Variants in SHLD1 observed in about 807,000 individuals in gnomAD.
SHLD1 encodes the protein shieldin complex subunit 1, also known as RINN1-REV7-interacting novel NHEJ regulator 3.
A neutral mutation model predicts 5.5 loss-of-function variants in SHLD1; 3 were observed. The ratio of observed to expected loss-of-function variants is 0.54; its 90% CI spans 0.25 to 1.40. SHLD1 has a LOEUF of 1.40. Among genes scored for constraint, SHLD1 ranks in the 40% most tolerant of loss-of-function variants. The pLI is 0.15. For synonymous variants in SHLD1, 92 were observed against 94.3 expected, an observed-to-expected ratio of 0.98 and a Z score of 0.14; for missense variants, 210 against 244.4, an observed-to-expected ratio of 0.86 and a Z score of 0.94.
chr20:5,810,229 C>G (rs919584253), intron 2 of SHLD1, among the ~76,000 whole-genome samples: 1 of 151,130 alleles, frequency 6.6e-6, no homozygotes, highest in Non-Finnish European at 1.5e-5. Flanking sequence ...TGCACTCCAG[C>G]CTGGGTGACA....
Position 5,849,899 on chromosome 20 carries a change from C to T in SHLD1, c.179-13125C>T, listed in dbSNP as rs1368398479. On this transcript the variant is annotated intron_variant, in intron 2 of 2. Transcript: ENST00000303142. ...GCGTGAACCCGGGAAGCGGAGCTTG[C>T]AGTGAGCCGAGATTCCGCCACTGCA... 7.1e-5 allele frequency among the ~76,000 whole-genome samples: 10 copies of T among 140,502 alleles called. No individual in the cohort carries two copies. The East Asian group carries it at 2.1e-3, about 29-fold the overall frequency. 92.2% of individuals were successfully genotyped at this position (140,502 alleles called of 152,430 possible). A position where few individuals can be genotyped will look rare whatever the true frequency, so the allele number is the denominator to read the frequency against.
intron 2 of SHLD1, among the ~76,000 whole-genome samples, chr20:5,843,124 GA>G (rs113429912): frequency 4.3e-4 from 66 of 152,126 alleles, no homozygotes; most frequent in African/African-American, 1.6e-3. Flanking sequence ...GTGTTTGGTT[GA>G]AAGTACATCC....
At chr20:5,819,632 G>C (rs2122406503) in intron 2 of SHLD1, among the ~76,000 whole-genome samples, 1 of 152,194 alleles carries the variant, frequency 6.6e-6, no homozygotes, top group South Asian at 2.1e-4. Flanking sequence ...GACCAGCCTG[G>C]GCAACACAGC....
chr20:5,756,028 G>T (rs754323143), intron 1 of SHLD1, among the ~76,000 whole-genome samples: 6 of 152,104 alleles, frequency 3.9e-5, no homozygotes, highest in Non-Finnish European at 5.9e-5. Flanking sequence ...GTATCTTATT[G>T]CTATGAAGAA....
chr20:5,812,073 T>C lies in SHLD1; in HGVS notation c.178+39030T>C, dbSNP rs6107699. ...TAGGAACTTCTTTTTCTTTTTCTTT[T>C]TTTTTTCTTTTTTTTTCTTTTTTTT... is the stretch of plus-strand genomic sequence containing the variant. On this transcript the variant is annotated intron_variant, in intron 2 of 2. Coordinates refer to ENST00000303142, the MANE Select transcript of SHLD1 (RefSeq NM_152504.4). 2.2e-3 allele frequency among the ~76,000 whole-genome samples: 327 copies of C among 150,084 alleles called. 3 individuals carry two copies. Among genetic ancestry groups the C allele is most frequent in the African/African-American group, 7.9e-3 (321 of 40,574 alleles).
At position 5,863,490 on chromosome 20, in the gene SHLD1, T is replaced by A; in HGVS notation, c.*27T>A. The A allele has an allele frequency of 6.4e-7, 1 of 1,564,048 alleles. No individual in the cohort carries two copies. The highest frequency in any genetic ancestry group is 8.7e-7 in the Non-Finnish European group (1 of 1,155,960). ...TGGTGCCGGGCAGTGTGCAGGGTAGTAATGGAGGTGCTGTGCCATGACCAG... is the reference window on the plus strand; with the variant it reads ...TGGTGCCGGGCAGTGTGCAGGGTAGAAATGGAGGTGCTGTGCCATGACCAG... On this transcript the variant is annotated 3_prime_UTR_variant, in exon 3 of 3. Transcript: ENST00000303142.
At chr20:5,844,533 T>C (rs1280828451) in intron 2 of SHLD1, among the ~76,000 whole-genome samples, 1 of 152,090 alleles carries the variant, frequency 6.6e-6, no homozygotes, top group Non-Finnish European at 1.5e-5. Flanking sequence ...ACCTGCTGTT[T>C]CTGCCCACAC....
At chr20:5,838,191 G>A (rs1376829394) in intron 2 of SHLD1, among the ~76,000 whole-genome samples, 2 of 152,166 alleles carry the variant, frequency 1.3e-5, no homozygotes, top group Admixed American at 1.3e-4. Context: ...GTGCATGTGT[G>A]TGCCTGAGAC....
At position 5,772,869 on chromosome 20, in the gene SHLD1, G is replaced by A; in HGVS notation, c.4G>A (p.Ala2Thr). The change falls in exon 2 of 3, where the codon GCA (alanine) becomes ACA (threonine). Residue 2 changes from alanine to threonine, a missense_variant. Physicochemically the swap from Ala to Thr is moderately conservative, Grantham distance 58 (BLOSUM62 0). Transcript: ENST00000303142. M[A>T]ARDATSGSLS... ...TTCTTTTTTCCATGGCAGGACTATG[G>A]CAGCCAGGGACGCCACTTCAGGCAG... 6.2e-7 allele frequency: 1 copy of A among 1,611,772 alleles called. No homozygotes were observed. The highest frequency in any genetic ancestry group is 1.1e-5 in the South Asian group (1 of 90,932).
chr20:5,759,480 C>T lies in SHLD1; in HGVS notation c.-5+9001C>T, dbSNP rs142282543. 3.2e-4 allele frequency among the ~76,000 whole-genome samples: 49 copies of T among 152,182 alleles called. No individual in the cohort carries two copies. In the East Asian group the frequency reaches 7.5e-3, roughly 23 times the overall value. ...TTCACCATGTTGGCAAGGCTGGTCT[C>T]GAACTTCTGGCCCCAAGTGATCCAC... is the stretch of plus-strand genomic sequence containing the variant. On this transcript the variant is annotated intron_variant, in intron 1 of 2. Coordinates refer to ENST00000303142, the MANE Select transcript of SHLD1 (RefSeq NM_152504.4).
intron 2 of SHLD1, among the ~76,000 whole-genome samples, chr20:5,842,475 T>C (rs989153962): frequency 1.3e-5 from 2 of 152,264 alleles, no homozygotes; most frequent in African/African-American, 4.8e-5. Context: ...TTGAAGGTCT[T>C]GTTTCATTGC....
intron 2 of SHLD1, among the ~76,000 whole-genome samples, chr20:5,841,170 AGTGTGTGTGTGTGTGT>A (rs11469039): frequency 5.5e-5 from 8 of 146,310 alleles, no homozygotes; most frequent in Non-Finnish European, 9.2e-5. Flanking sequence ...GAAAATAGCG[AGTGTGTGTGTGTGTGT>A]GTGTGTGTGT....
chr20:5,819,158 C>T (rs962973894), intron 2 of SHLD1, among the ~76,000 whole-genome samples: 1 of 151,934 alleles, frequency 6.6e-6, no homozygotes, highest in Admixed American at 6.6e-5. Flanking sequence ...CACCGTGCCC[C>T]GCCAGTGTCT....
At chr20:5,807,038 C>T (rs2087387629) in intron 2 of SHLD1, among the ~76,000 whole-genome samples, 2 of 152,226 alleles carry the variant, frequency 1.3e-5, no homozygotes, top group African/African-American at 2.4e-5. Context: ...GGCCCATGCC[C>T]ACTGCTTTCA....
intron 2 of SHLD1, among the ~76,000 whole-genome samples, chr20:5,782,979 A>C (rs955829671): frequency 1.3e-5 from 2 of 152,236 alleles, no homozygotes; most frequent in Non-Finnish European, 2.9e-5. Flanking sequence ...TTATAGTTGC[A>C]TTAAGTGATA....
chr20:5,813,314 C>T (rs1454014139), intron 2 of SHLD1, among the ~76,000 whole-genome samples: 1 of 151,950 alleles, frequency 6.6e-6, no homozygotes, highest in Admixed American at 6.6e-5. Context: ...GTGGTGAAAC[C>T]CTGTCTCTAC....
chr20:5,767,975 C>CTTT lies in SHLD1; in HGVS notation c.-4-4872_-4-4870dup, dbSNP rs71197793. Among the ~76,000 whole-genome samples, 223 of 134,678 alleles carry CTTT rather than the reference C, an allele frequency of 1.7e-3. 5 individuals are homozygous for CTTT. Among genetic ancestry groups the CTTT allele is most frequent in the Admixed American group, 7.8e-3 (101 of 13,018 alleles). The allele number at this position is 134,678 out of a possible 152,430, so 88.4% of individuals were successfully genotyped here. On this transcript the variant is annotated intron_variant, in intron 1 of 2. Transcript: ENST00000303142. ...CCGTTTACTCACTGAGTGACGAATT[C>CTTT]TTTTTTTTTTTTTTTTTGAGACAGA...
At chr20:5,790,901 G>A (rs961246804) in intron 2 of SHLD1, among the ~76,000 whole-genome samples, 9 of 152,190 alleles carry the variant, frequency 5.9e-5, no homozygotes, top group South Asian at 4.1e-4. Flanking sequence ...GGTGGCTCAC[G>A]CCTGTACTCC....
At position 5,826,940 on chromosome 20, in the gene SHLD1, C is replaced by T. The variant is rs554726573; in HGVS notation, c.179-36084C>T. On this transcript the variant is annotated intron_variant, in intron 2 of 2. Coordinates refer to ENST00000303142, the MANE Select transcript of SHLD1 (RefSeq NM_152504.4). ...TCACCACATCACCACCTACCATCCC[C>T]CAGTCCCCTCTTTCTCCCAGACCCT... Among the ~76,000 whole-genome samples the T allele has an allele frequency of 2.4e-4, 36 of 152,080 alleles. No individual in the cohort carries two copies. In the South Asian group the frequency reaches 6.7e-3, roughly 28 times the overall value.
Sources: allele counts gnomAD v4.1 joint callset (sites outside exome capture counted in the v4.1 genomes callset), GRCh38; gene constraint gnomAD v4.1.1; transcripts MANE v1.5; gene names NCBI Gene and HGNC (gene_info 2026-07-23, HGNC 2026-07-21).